The following TMEM181 variants were observed in gnomAD, a reference collection of about 807,000 sequenced individuals.
The protein encoded by TMEM181 is G protein-coupled receptor 178.
Under a neutral mutation model 71.9 loss-of-function variants are expected in TMEM181, and 39 were observed. The observed-to-expected ratio is 0.54, with a 90% CI of 0.42 to 0.71. The LOEUF (loss-of-function observed/expected upper bound fraction) is 0.71. TMEM181 is among the 30% of genes least tolerant of loss of function. TMEM181 has a pLI of 0.00. For synonymous variants in TMEM181, 245 were observed against 228.8 expected (o/e 1.07, Z -0.64); for missense variants, 595 against 583.0 (o/e 1.02, Z -0.21).
At chr6:158,594,815 G>A (rs1583003315) in intron 6 of TMEM181, among the ~76,000 whole-genome samples, 2 of 152,260 alleles carry the variant, frequency 1.3e-5, no homozygotes, top group East Asian at 3.9e-4. Flanking sequence ...AGCCTCCTGA[G>A]TAGCTGGGAT....
intron 1 of TMEM181, chr6:158,572,564 T>C: frequency 2.2e-6 from 1 of 445,144 alleles, no homozygotes; most frequent in Non-Finnish European, 4.5e-6. Flanking sequence ...GTGCGTCCTG[T>C]GCTGCTCAGA....
chr6:158,581,620 G>T (rs536313305), intron 3 of TMEM181, among the ~76,000 whole-genome samples: 6 of 150,118 alleles, frequency 4.0e-5, no homozygotes, highest in African/African-American at 1.2e-4. Context: ...TGGGCGTGGT[G>T]GGGGGGCGCC....
chr6:158,605,137 T>TGC, intron 6 of TMEM181, 130 bp from the exon 7 acceptor site: 1 of 372,588 alleles, frequency 2.7e-6, no homozygotes, highest in East Asian at 3.6e-5. Flanking sequence ...AAAAAGTGTG[T>TGC]GTGTGTGTGT....
chr6:158,558,623 G>A (rs928338597), upstream of TMEM181, among the ~76,000 whole-genome samples: 2 of 152,208 alleles, frequency 1.3e-5, no homozygotes, highest in African/African-American at 2.4e-5. Flanking sequence ...GATTGGCTGA[G>A]ACTCAGCTGT....
chr6:158,625,600 A>G (rs748545941), intron 12 of TMEM181, 103 bp from the exon 13 acceptor site: 20 of 1,051,452 alleles, frequency 1.9e-5, no homozygotes, highest in African/African-American at 3.2e-5. Context: ...AGGGAGGAGC[A>G]TTTGTCCAAA....
At chr6:158,593,824 C>T (rs990203501) in intron 6 of TMEM181, among the ~76,000 whole-genome samples, 5 of 152,084 alleles carry the variant, frequency 3.3e-5, no homozygotes, top group Admixed American at 6.5e-5. Flanking sequence ...ATGCTCTCTC[C>T]GCCCACACAT....
At position 158,598,206 on chromosome 6, in the gene TMEM181, C is replaced by A. The variant is rs1423630886; in HGVS notation, c.493-7061C>A. On this transcript the variant is annotated intron_variant, in intron 6 of 16. Coordinates refer to ENST00000684151, the MANE Select transcript of TMEM181 (RefSeq NM_001376852.1). Reference sequence around the variant, plus strand: ...CCTGTTCTTTTCTCCTGAGATTTTGCAGGCACCTTCTCTGGGCACGTCACA... The same window carrying A: ...CCTGTTCTTTTCTCCTGAGATTTTGAAGGCACCTTCTCTGGGCACGTCACA... Among the ~76,000 whole-genome samples the A allele has an allele frequency of 2.6e-5, 4 of 152,218 alleles. No homozygotes were observed. The South Asian group carries it at 8.3e-4, about 31-fold the overall frequency.
chr6:158,633,370 A>G lies in TMEM181; in HGVS notation c.*1482A>G, dbSNP rs1786765459. On this transcript the variant is annotated 3_prime_UTR_variant, in exon 17 of 17. Transcript: ENST00000684151. ...CGTTCCTTTCAGTCAGGGACTCCAT[A>G]TAGAGTCTCATGTGGACGTCTCCCG... is the stretch of plus-strand genomic sequence containing the variant. The G allele has an allele frequency of 6.6e-6, 1 of 152,160 alleles. No homozygotes were observed. The highest frequency in any genetic ancestry group is 1.5e-5 in the Non-Finnish European group (1 of 68,040). 9.4% of individuals were successfully genotyped at this position (152,160 alleles called of 1,614,324 possible). A position where few individuals can be genotyped will look rare whatever the true frequency, so the allele number is the denominator to read the frequency against.
At chr6:158,581,139 A>T (rs1783447476) in intron 3 of TMEM181, 144 bp downstream of exon 3, 1 of 743,104 alleles carries the variant, frequency 1.3e-6, no homozygotes, top group Admixed American at 2.7e-5. Context: ...TTCCATTGTC[A>T]GCTGCTGGCA....
intron 8 of TMEM181, among the ~76,000 whole-genome samples, chr6:158,607,733 G>A (rs746292249): frequency 1.1e-4 from 17 of 152,194 alleles, no homozygotes; most frequent in Non-Finnish European, 1.2e-4. Context: ...AGAAGAGCCC[G>A]TAGGGAGCCC....
intron 16 of TMEM181, 77 bp downstream of exon 16, chr6:158,631,466 T>C: frequency 1.4e-6 from 2 of 1,456,440 alleles, no homozygotes; most frequent in Non-Finnish European, 1.9e-6. Flanking sequence ...AATGGGTTAC[T>C]CTTCTAAAAT....
At chr6:158,557,514 TTATTTA>T (rs1203732603), upstream of TMEM181, among the ~76,000 whole-genome samples, 2 of 151,378 alleles carry the variant, frequency 1.3e-5, no homozygotes, top group East Asian at 3.9e-4. Flanking sequence ...AATTATTTAT[TTATTTA>T]TTTATTTATT....
chr6:158,540,037 A>C (rs1055428168), intron 1 of TMEM181, among the ~76,000 whole-genome samples: 4 of 152,254 alleles, frequency 2.6e-5, no homozygotes, highest in Non-Finnish European at 5.9e-5. Context: ...CTGATTCGGC[A>C]GCTTAATGAT....
chr6:158,601,922 C>A (rs1784692335), intron 6 of TMEM181, among the ~76,000 whole-genome samples: 1 of 152,122 alleles, frequency 6.6e-6, no homozygotes, highest in Admixed American at 6.5e-5. Flanking sequence ...ACTGTGATCT[C>A]CACTTGCCCA....
rs910811951 is a variant in TMEM181 at position 158,631,915 on chromosome 6, A to G, written c.*27A>G. On this transcript the variant is annotated 3_prime_UTR_variant, in exon 17 of 17. Transcript: ENST00000684151. Reference sequence around the variant, plus strand: ...CCCCGGCCAGCCCAGCGAGGCGACAAGATGCCTGGATGCTTTCCCCGGTGA... The same window carrying G: ...CCCCGGCCAGCCCAGCGAGGCGACAGGATGCCTGGATGCTTTCCCCGGTGA... 10 of 1,560,538 alleles carry G rather than the reference A, an allele frequency of 6.4e-6. No homozygotes were observed. The African/African-American group carries it at 1.1e-4, about 17-fold the overall frequency.
At chr6:158,631,288 T>TTGCTTGAGATGCAAA (rs777483457) in intron 15 of TMEM181, 35 bp from the exon 16 acceptor site, 1 of 1,612,258 alleles carries the variant, frequency 6.2e-7, no homozygotes, top group Admixed American at 1.7e-5. Context: ...ATCACGTCAA[T>TTGCTTGAGATGCAAA]TGCTTGAGAT....
At chr6:158,573,380 C>G in intron 1 of TMEM181, 40 bp from the exon 2 acceptor site, 1 of 1,520,880 alleles carries the variant, frequency 6.6e-7, no homozygotes, top group Non-Finnish European at 8.9e-7. Context: ...ACCTCCGGGC[C>G]TTCCCCTGAC....
chr6:158,559,601 T>G (rs1207729045), upstream of TMEM181, among the ~76,000 whole-genome samples: 1 of 152,306 alleles, frequency 6.6e-6, no homozygotes, highest in East Asian at 1.9e-4. Context: ...TAGAAGCGGC[T>G]TGCGGGAGAA....
intron 1 of TMEM181, among the ~76,000 whole-genome samples, chr6:158,539,085 A>T (rs1330882707): frequency 6.6e-6 from 1 of 152,184 alleles, no homozygotes; most frequent in Non-Finnish European, 1.5e-5. Flanking sequence ...GTACTACAGC[A>T]AGCATTTGAG....
Sources: gnomAD v4.1 joint callset for allele counts (sites outside exome capture counted in the v4.1 genomes callset) on GRCh38, gnomAD v4.1.1 for gene constraint, MANE v1.5 for transcripts, NCBI Gene and HGNC (gene_info 2026-07-23, HGNC 2026-07-21) for gene names.